Variants in SNTB1 observed in about 807,000 individuals in gnomAD.
The protein encoded by SNTB1 is beta-1-syntrophin.
A neutral mutation model predicts 48.9 loss-of-function variants in SNTB1; 36 were observed. The ratio of observed to expected loss-of-function variants is 0.74; its 90% CI spans 0.56 to 0.97. The LOEUF (loss-of-function observed/expected upper bound fraction) is 0.97. Ranked by LOEUF, SNTB1 falls within the 50% of genes least tolerant of loss-of-function variation. SNTB1 has a pLI of 0.00. For synonymous variants in SNTB1, 299 were observed against 294.6 expected (o/e 1.01, Z -0.15); for missense variants, 786 against 703.4 (o/e 1.12, Z -1.33).
chr8:120,562,457 A>AGAG (rs1376362188), intron 4 of SNTB1, among the ~76,000 whole-genome samples: 1 of 152,196 alleles, frequency 6.6e-6, no homozygotes, highest in East Asian at 1.9e-4. Flanking sequence ...AGGGAGGGCC[A>AGAG]GAGACCAGAC....
chr8:120,584,438 C>CAAAAAAAAAAAAAAAAAAA (rs11443743), intron 3 of SNTB1, among the ~76,000 whole-genome samples: 1 of 57,072 alleles, frequency 1.8e-5, no homozygotes, highest in African/African-American at 8.1e-5. Context: ...AACTCCATCT[C>CAAAAAAAAAAAAAAAAAAA]AAAAAAAAAA....
chr8:120,638,546 C>T (rs1325134054), intron 2 of SNTB1, among the ~76,000 whole-genome samples: 2 of 152,020 alleles, frequency 1.3e-5, no homozygotes, highest in Non-Finnish European at 2.9e-5. Context: ...CTAATGCTAT[C>T]CCCTCCTCAC....
At chr8:120,805,279 A>G (rs897278907) in intron 1 of SNTB1, among the ~76,000 whole-genome samples, 5 of 152,260 alleles carry the variant, frequency 3.3e-5, no homozygotes, top group African/African-American at 7.2e-5. Context: ...TCGTGTGAAT[A>G]TGTTAACTTA....
At chr8:120,726,914 C>G (rs1346818787) in intron 1 of SNTB1, among the ~76,000 whole-genome samples, 1 of 152,208 alleles carries the variant, frequency 6.6e-6, no homozygotes, top group Non-Finnish European at 1.5e-5. Flanking sequence ...AATAGTCAAT[C>G]TGCAGTGCTC....
At position 120,811,855 on chromosome 8, in the gene SNTB1, T is replaced by C; in HGVS notation, c.-12A>G. The C allele has an allele frequency of 7.5e-7, 1 of 1,338,854 alleles. No homozygotes were observed. Among genetic ancestry groups the C allele is most frequent in the Non-Finnish European group, 9.5e-7 (1 of 1,048,872 alleles). The allele number at this position is 1,338,854 out of a possible 1,614,324, so 82.9% of individuals were successfully genotyped here. On this transcript the variant is annotated 5_prime_UTR_variant, in exon 1 of 7. Coordinates refer to ENST00000517992, the MANE Select transcript of SNTB1 (RefSeq NM_021021.4). ...GCCGCTACCGCCATCTTTCCGGCAT[T>C]CTTAAAATGCCATGTGATTGGAAAA... is the stretch of plus-strand genomic sequence containing the variant.
intron 1 of SNTB1, among the ~76,000 whole-genome samples, chr8:120,780,143 A>G (rs75988927): frequency 0.068 from 10,259 of 151,824 alleles, 502 homozygotes; most frequent in African/African-American, 0.14. Context: ...GTGCTATCAC[A>G]AAGCCAACAA....
intron 1 of SNTB1, among the ~76,000 whole-genome samples, chr8:120,704,846 A>G (rs968331637): frequency 1.7e-4 from 26 of 152,250 alleles, no homozygotes; most frequent in Non-Finnish European, 5.9e-5. Context: ...AAGTTCTGTC[A>G]TTGCATATTC....
At chr8:120,664,509 T>A (rs1378101307) in intron 2 of SNTB1, among the ~76,000 whole-genome samples, 1 of 152,242 alleles carries the variant, frequency 6.6e-6, no homozygotes, top group African/African-American at 2.4e-5. Flanking sequence ...TCTAGAATTT[T>A]AATAAATAAA....
chr8:120,724,700 A>G (rs758839743), intron 1 of SNTB1, among the ~76,000 whole-genome samples: 16 of 152,320 alleles, frequency 1.1e-4, no homozygotes, highest in Admixed American at 6.5e-4. Flanking sequence ...TGAGGCTTCT[A>G]AACAAAGATG....
At chr8:120,653,584 T>C (rs1379761491) in intron 2 of SNTB1, among the ~76,000 whole-genome samples, 2 of 152,192 alleles carry the variant, frequency 1.3e-5, no homozygotes, top group Non-Finnish European at 2.9e-5. Context: ...TAGAAAACTA[T>C]TACACAAATA....
At chr8:120,730,628 T>G (rs1278684564) in intron 1 of SNTB1, among the ~76,000 whole-genome samples, 1 of 152,208 alleles carries the variant, frequency 6.6e-6, no homozygotes. Flanking sequence ...CATATTGTGA[T>G]TAGGATCTTT....
intron 3 of SNTB1, among the ~76,000 whole-genome samples, chr8:120,582,390 A>T (rs939945399): frequency 3.3e-5 from 5 of 152,176 alleles, no homozygotes; most frequent in Non-Finnish European, 5.9e-5. Context: ...AGAAAAAAAA[A>T]TTTAAAATCA....
chr8:120,541,773 A>G (rs375411107), intron 6 of SNTB1, 37 bp downstream of exon 6: 12 of 1,445,150 alleles, frequency 8.3e-6, no homozygotes, highest in Non-Finnish European at 1.1e-5. Context: ...AAATATTAAT[A>G]TATGAAATCA....
intron 1 of SNTB1, among the ~76,000 whole-genome samples, chr8:120,746,025 C>A (rs1819119992): frequency 6.6e-6 from 1 of 152,202 alleles, no homozygotes; most frequent in South Asian, 2.1e-4. Context: ...TTTATTGGAA[C>A]ACAGTCACAC....
intron 1 of SNTB1, among the ~76,000 whole-genome samples, chr8:120,732,803 G>A (rs1009629640): frequency 8.5e-5 from 13 of 152,138 alleles, no homozygotes; most frequent in African/African-American, 3.1e-4. Context: ...CTGAGATCAC[G>A]CTGTGCACTC....
intron 3 of SNTB1, among the ~76,000 whole-genome samples, chr8:120,626,134 GA>G (rs1816878504): frequency 6.6e-6 from 1 of 152,116 alleles, no homozygotes; most frequent in Admixed American, 6.6e-5. Flanking sequence ...AATTGGGGGG[GA>G]TGAGTAAATT....
At chr8:120,707,861 T>G (rs540858922) in intron 1 of SNTB1, among the ~76,000 whole-genome samples, 32 of 152,240 alleles carry the variant, frequency 2.1e-4, no homozygotes, top group African/African-American at 7.0e-4. Flanking sequence ...AGCAATGAAT[T>G]GCTACTGATG....
intron 1 of SNTB1, among the ~76,000 whole-genome samples, chr8:120,767,054 C>T (rs1819537905): frequency 6.6e-6 from 1 of 152,132 alleles, no homozygotes; most frequent in Admixed American, 6.5e-5. Context: ...AAATCTAGTG[C>T]TTACACTTCT....
chr8:120,807,306 G>A (rs1820350660), intron 1 of SNTB1, among the ~76,000 whole-genome samples: 1 of 152,192 alleles, frequency 6.6e-6, no homozygotes, highest in South Asian at 2.1e-4. Flanking sequence ...CCCCTGACCT[G>A]GAGCTGCCAA....
Sources: allele counts gnomAD v4.1 joint callset (sites outside exome capture counted in the v4.1 genomes callset), GRCh38; gene constraint gnomAD v4.1.1; transcripts MANE v1.5; gene names NCBI Gene and HGNC (gene_info 2026-07-23, HGNC 2026-07-21).